PARP9: variants seen among roughly 807,000 people sequenced by gnomAD.
The protein encoded by PARP9 is poly(ADP-ribose) polymerase family member 9, also known as protein mono-ADP-ribosyltransferase PARP9.
Under a neutral mutation model 68.8 loss-of-function variants are expected in PARP9, and 48 were observed. The observed-to-expected ratio is 0.70, with a 90% CI of 0.55 to 0.89. PARP9 has a LOEUF of 0.89. PARP9 is among the 40% of genes least tolerant of loss of function. The pLI is 0.00. For missense variants in PARP9, 806 were observed against 969.3 expected, an observed-to-expected ratio of 0.83 and a Z score of 2.24; for synonymous variants, 309 against 333.8, an observed-to-expected ratio of 0.93 and a Z score of 0.81.
chr3:122,536,523 G>A (rs779798180), intron 9 of PARP9, 181 bp from the exon 10 acceptor site: 176 of 1,177,146 alleles, frequency 1.5e-4, no homozygotes, highest in Non-Finnish European at 1.9e-4. Flanking sequence ...ATTTTGATTC[G>A]TTCTTCAAAA....
Position 122,556,133 on chromosome 3 carries a change from GAGAAGATTAAA to G in PARP9, c.50-23_50-13del. 2.4e-5 allele frequency: 4 copies of G among 169,068 alleles called. No individual in the cohort carries two copies. Among genetic ancestry groups the G allele is most frequent in the East Asian group, 9.3e-5 (1 of 10,740 alleles). The allele number at this position is 169,068 out of a possible 1,614,324, so 10.5% of individuals were successfully genotyped here. On this transcript the variant is annotated splice_polypyrimidine_tract_variant and intron_variant, in intron 3 of 10. Transcript: ENST00000682323. ...AAGAGCACCAGTCTCTGGAAAAGAA[GAGAAGATTAAA>G]AAAAAAAAAAAAAAAAAAAAAAAAA...
chr3:122,536,143 C>A lies in PARP9; in HGVS notation c.2080+25G>T, dbSNP rs370827278. The A allele has an allele frequency of 9.3e-6, 15 of 1,613,914 alleles. No individual in the cohort carries two copies. In the African/African-American group the frequency reaches 2.0e-4, roughly 22 times the overall value. Reference sequence around the variant, plus strand: ...GCTCACCAAATTCCACAGAGTAGCCCCAATGATGAGGCATTGACACCTACC... The same window carrying A: ...GCTCACCAAATTCCACAGAGTAGCCACAATGATGAGGCATTGACACCTACC... On this transcript the variant is annotated intron_variant, in intron 10 of 10. Coordinates refer to ENST00000682323, the MANE Select transcript of PARP9 (RefSeq NM_001146105.2).
At chr3:122,563,431 A>G (rs2080406617) in intron 1 of PARP9, among the ~76,000 whole-genome samples, 1 of 152,246 alleles carries the variant, frequency 6.6e-6, no homozygotes, top group Admixed American at 6.5e-5. Context: ...GCTAAATAAC[A>G]TCATTACAGT....
chr3:122,541,286 A>G (rs1190178160), intron 7 of PARP9, among the ~76,000 whole-genome samples: 1 of 152,212 alleles, frequency 6.6e-6, no homozygotes, highest in Non-Finnish European at 1.5e-5. Context: ...AGCTTCAATT[A>G]AGTACCTATC....
At chr3:122,555,023 A>T (rs916125781) in intron 4 of PARP9, among the ~76,000 whole-genome samples, 47 of 151,248 alleles carry the variant, frequency 3.1e-4, no homozygotes, top group South Asian at 6.3e-4. Context: ...AGCCTATTTT[A>T]AAAAAAAACT....
Position 122,531,588 on chromosome 3 carries a change from T to C in PARP9, c.2081-2845A>G, listed in dbSNP as rs372946329. Among the ~76,000 whole-genome samples the C allele has an allele frequency of 3.3e-3, 498 of 152,286 alleles. 2 individuals carry two copies. The highest frequency in any genetic ancestry group is 4.1e-3 in the Non-Finnish European group (279 of 68,024). On this transcript the variant is annotated intron_variant, in intron 10 of 10. Coordinates refer to ENST00000682323, the MANE Select transcript of PARP9 (RefSeq NM_001146105.2). ...CTGGCCAACATGGTGAAACCCCGTA[T>C]AACTGTATGTATATAATTGTATGTA...
At chr3:122,555,022 TA>T (rs909937466) in intron 4 of PARP9, among the ~76,000 whole-genome samples, 15 of 151,266 alleles carry the variant, frequency 9.9e-5, no homozygotes, top group South Asian at 2.1e-4. Context: ...CAGCCTATTT[TA>T]AAAAAAAACT....
chr3:122,540,290 C>T (rs2078095701), intron 8 of PARP9, among the ~76,000 whole-genome samples, 182 bp downstream of exon 8: 1 of 152,004 alleles, frequency 6.6e-6, no homozygotes, highest in Non-Finnish European at 1.5e-5. Flanking sequence ...CACAAATAAC[C>T]CTGATTGTCA....
chr3:122,539,951 T>A (rs1267093048), intron 8 of PARP9, among the ~76,000 whole-genome samples: 1 of 152,206 alleles, frequency 6.6e-6, no homozygotes, highest in Non-Finnish European at 1.5e-5. Flanking sequence ...CCCACGTGTA[T>A]CCTGATGAGT....
At chr3:122,529,647 C>CG (rs988219281) in intron 10 of PARP9, among the ~76,000 whole-genome samples, 2 of 149,838 alleles carry the variant, frequency 1.3e-5, no homozygotes, top group South Asian at 4.2e-4. Flanking sequence ...CCAGCTACTC[C>CG]GGGGGCTGAG....
intron 9 of PARP9, 196 bp downstream of exon 9, chr3:122,536,738 G>A (rs886902053): frequency 9.5e-6 from 6 of 630,040 alleles, no homozygotes; most frequent in Non-Finnish European, 1.6e-5. Context: ...GTGTCCTGAT[G>A]TCATTCCTAC....
chr3:122,532,322 T>C (rs1270886357), intron 10 of PARP9: 1 of 985,060 alleles, frequency 1.0e-6, no homozygotes, highest in African/African-American at 1.8e-5. Context: ...CACAGGAGAC[T>C]GCTAATGACC....
rs748277410 is a variant in PARP9, at chr3:122,550,711, AT to A, written c.1198del (p.Met400TrpfsTer3). The A allele has an allele frequency of 3.0e-5, 48 of 1,614,048 alleles. No homozygotes were observed. The highest frequency in any genetic ancestry group is 3.9e-5 in the Non-Finnish European group (46 of 1,179,990). On this transcript the variant is annotated frameshift_variant, in exon 6 of 11. Coordinates refer to ENST00000682323, the MANE Select transcript of PARP9 (RefSeq NM_001146105.2). LOFTEE classifies it high-confidence loss of function. ...TGCTGCTGTTTCCTTCTTTATTTCC[AT>A]GTTTCCAGTCCCAAGGGCAGGAAAG... ...ISFPALGTGNMEIKKETAAEI... is the reference protein window; with the variant it reads ...ISFPALGTGNXEIKKETAAEI...
At position 122,528,080 on chromosome 3, in the gene PARP9, T is replaced by A. The variant is rs1341999170; in HGVS notation, c.*284A>T. The stretch of plus-strand genomic sequence containing the variant: ...ATACTAGAAAAATTTCTTCATTATA[T>A]GCAAAATATTTATCTCCTCTAGTAA... On this transcript the variant is annotated 3_prime_UTR_variant, in exon 11 of 11. Coordinates refer to ENST00000682323, the MANE Select transcript of PARP9 (RefSeq NM_001146105.2). 1 of 241,354 alleles carries A rather than the reference T, an allele frequency of 4.1e-6. No individual in the cohort carries two copies. The highest frequency in any genetic ancestry group is 8.4e-5 in the East Asian group (1 of 11,912). 15.0% of individuals were successfully genotyped at this position (241,354 alleles called of 1,614,324 possible). A position where few individuals can be genotyped will look rare whatever the true frequency, so the allele number is the denominator to read the frequency against.
intron 6 of PARP9, chr3:122,546,043 T>C (rs2078673483): frequency 6.5e-6 from 1 of 152,752 alleles, no homozygotes; most frequent in Admixed American, 6.5e-5. Flanking sequence ...GATTTGTGCA[T>C]ATTGCAACAC....
intron 8 of PARP9, 102 bp from the exon 9 acceptor site, chr3:122,537,175 G>A: frequency 8.0e-7 from 1 of 1,249,282 alleles, no homozygotes; most frequent in Non-Finnish European, 1.1e-6. Flanking sequence ...GGATTAGCCA[G>A]TTTAAATTGT....
intron 8 of PARP9, 98 bp from the exon 9 acceptor site, chr3:122,537,171 G>A (rs754386598): frequency 1.5e-6 from 2 of 1,310,824 alleles, no homozygotes; most frequent in Non-Finnish European, 2.1e-6. Context: ...GAAGGGATTA[G>A]CCAGTTTAAA....
chr3:122,546,959 T>G (rs2078745131), intron 6 of PARP9, among the ~76,000 whole-genome samples: 1 of 109,226 alleles, frequency 9.2e-6, no homozygotes, highest in Non-Finnish European at 1.8e-5. Flanking sequence ...ACAGACACAA[T>G]ACATGGCACT....
At chr3:122,561,645 A>G (rs2107754775) in intron 1 of PARP9, among the ~76,000 whole-genome samples, 1 of 152,228 alleles carries the variant, frequency 6.6e-6, no homozygotes, top group Middle Eastern at 3.4e-3. Flanking sequence ...TTGCCTTTAC[A>G]GGCCTTTTCC....
Sources: gnomAD v4.1 joint callset for allele counts (sites outside exome capture counted in the v4.1 genomes callset) on GRCh38, gnomAD v4.1.1 for gene constraint, MANE v1.5 for transcripts, NCBI Gene and HGNC (gene_info 2026-07-23, HGNC 2026-07-21) for gene names.